Variants in QSER1 observed in about 807,000 individuals in gnomAD.
QSER1 encodes the protein glutamine and serine-rich protein 1.
Under a neutral mutation model 158.5 loss-of-function variants are expected in QSER1, and 49 were observed. The observed-to-expected ratio is 0.31, with a 90% confidence interval of 0.25 to 0.39. QSER1 has a LOEUF of 0.39. Ranked by LOEUF, QSER1 falls within the 10% of genes least tolerant of loss-of-function variation. The probability of loss-of-function intolerance (pLI) is 1.00; values close to 1 mark genes in which losing one functional copy is unlikely to be tolerated. For missense variants in QSER1, 1,754 were observed against 2,010.3 expected (o/e 0.87, Z 2.44); for synonymous variants, 650 against 715.5 (o/e 0.91, Z 1.46).
intron 4 of QSER1, among the ~76,000 whole-genome samples, chr11:32,948,008 A>C (rs974072355): frequency 8.5e-5 from 13 of 152,274 alleles, no homozygotes; most frequent in Non-Finnish European, 1.5e-4. Context: ...TGCATAAAGA[A>C]AAATACAAAA....
chr11:32,916,190 C>T (rs950521874), intron 1 of QSER1, among the ~76,000 whole-genome samples: 15 of 152,140 alleles, frequency 9.9e-5, no homozygotes, highest in Admixed American at 3.9e-4. Flanking sequence ...CATGAGCCAC[C>T]GCGCTCGGCT....
Position 32,898,648 on chromosome 11 carries a change from A to G in QSER1, c.209+5314A>G, listed in dbSNP as rs1268044073. Among the ~76,000 whole-genome samples, 5 of 152,126 alleles carry G rather than the reference A, an allele frequency of 3.3e-5. No individual in the cohort carries two copies. The East Asian group carries it at 5.8e-4, about 18-fold the overall frequency. On this transcript the variant is annotated intron_variant, in intron 1 of 12. Coordinates refer to ENST00000650167, the MANE Select transcript of QSER1 (RefSeq NM_001076786.3). ...GCTGCCTAGGGTGGAGTACAGTGGTATGAACACAGCTTACTGCAGCCTCGA... is the reference window on the plus strand; with the variant it reads ...GCTGCCTAGGGTGGAGTACAGTGGTGTGAACACAGCTTACTGCAGCCTCGA...
chr11:32,950,672 G>A (rs1405341098), intron 4 of QSER1, among the ~76,000 whole-genome samples: 7 of 152,168 alleles, frequency 4.6e-5, no homozygotes, highest in Non-Finnish European at 1.0e-4. Context: ...CCATTAAGGA[G>A]TCCATTCCCA....
intron 1 of QSER1, among the ~76,000 whole-genome samples, chr11:32,900,815 C>T (rs1392759607): frequency 6.6e-6 from 1 of 152,308 alleles, no homozygotes; most frequent in Non-Finnish European, 1.5e-5. Flanking sequence ...GGTCTTTCCC[C>T]ACATGTTACC....
chr11:32,955,763 T>G (rs1319761027), intron 6 of QSER1, among the ~76,000 whole-genome samples: 1 of 152,208 alleles, frequency 6.6e-6, no homozygotes, highest in Non-Finnish European at 1.5e-5. Flanking sequence ...GAAGTTATTC[T>G]GTCATACTTA....
chr11:32,955,405 C>T lies in QSER1; in HGVS notation c.4610C>T (p.Thr1537Ile), dbSNP rs758871872. Reference sequence around the variant, plus strand: ...GATGGTCAAAGAGAATTTGCTGCTACAAATAGTGTAAGTAAAATGCATGTT... The same window carrying T: ...GATGGTCAAAGAGAATTTGCTGCTATAAATAGTGTAAGTAAAATGCATGTT... ...IRDGQREFAA[T>I]NSYLGYFGDA... Residue 1537 changes from threonine (T) to isoleucine (I), a missense_variant, in exon 6 of 13, where the codon ACA becomes ATA. By Grantham distance (89) the Thr-to-Ile change is moderately conservative (BLOSUM62 -1). Transcript: ENST00000650167. The T allele has an allele frequency of 1.3e-6, 2 of 1,529,664 alleles. No individual in the cohort carries two copies. The highest frequency in any genetic ancestry group is 1.8e-6 in the Non-Finnish European group (2 of 1,119,160). 94.8% of individuals were successfully genotyped at this position (1,529,664 alleles called of 1,614,324 possible). A position where few individuals can be genotyped will look rare whatever the true frequency, so the allele number is the denominator to read the frequency against.
At chr11:32,960,409 A>G (rs1271793306) in intron 8 of QSER1, among the ~76,000 whole-genome samples, 1 of 151,990 alleles carries the variant, frequency 6.6e-6, no homozygotes, top group East Asian at 1.9e-4. Flanking sequence ...ATACAAAAAA[A>G]TTAGCCAGGT....
intron 8 of QSER1, 28 bp from the exon 9 acceptor site, chr11:32,966,272 T>C (rs1408628876): frequency 6.3e-7 from 1 of 1,597,454 alleles, no homozygotes; most frequent in East Asian, 2.2e-5. Flanking sequence ...GAAGGAAAAT[T>C]TAATATTTAA....
Position 32,957,897 on chromosome 11 carries a change from A to G in QSER1, c.4780A>G (p.Ser1594Gly), listed in dbSNP as rs753925153. The change falls in exon 8 of 13, where the codon AGT becomes GGT. Residue 1594 changes from serine (S) to glycine (G), a missense_variant. Physicochemically the swap from Ser to Gly is moderately conservative, Grantham distance 56. This residue lies in a region of QSER1 where 1,707 missense variants were observed against 1,919.6 expected (regional missense o/e 0.89). Transcript: ENST00000650167. ...TGTTCAAGCTAAGCCAAGTAGTAGC[A>G]GTAAAACTTCTGATCCTCTAGCATC... The part of the protein sequence containing the change: ...RTVQAKPSSS[S>G]KTSDPLASKT... The G allele has an allele frequency of 1.2e-6, 2 of 1,614,156 alleles. No individual in the cohort carries two copies. The highest frequency in any genetic ancestry group is 1.7e-6 in the Non-Finnish European group (2 of 1,180,014).
chr11:32,935,128 C>T lies in QSER1; in HGVS notation c.3870C>T (p.Pro1290=). 4 of 1,614,064 alleles carry T rather than the reference C, an allele frequency of 2.5e-6. No individual in the cohort carries two copies. The highest frequency in any genetic ancestry group is 3.4e-6 in the Non-Finnish European group (4 of 1,179,990). The part of the protein sequence containing the change: ...ASFLDFLKSG[P]KQQFSTLAVR... Reference sequence around the variant, plus strand: ...TCTTAGATTTTCTGAAATCCGGGCCCAAGCAGCAGTTTTCCACTCTTGCTG... The same window carrying T: ...TCTTAGATTTTCTGAAATCCGGGCCTAAGCAGCAGTTTTCCACTCTTGCTG... The change falls in exon 4 of 13, where the codon CCC becomes CCT. Residue 1290 remains proline (P), a synonymous_variant. Transcript: ENST00000650167.
Position 32,950,931 on chromosome 11 carries a change from A to G in QSER1, c.4178-2926A>G, listed in dbSNP as rs1322685772. ...TTATCCATTGATAGAGTTTTTGGCT[A>G]TCATGAATAAATCTGTAAACATTCA... On this transcript the variant is annotated intron_variant, in intron 4 of 12. Coordinates refer to ENST00000650167, the MANE Select transcript of QSER1 (RefSeq NM_001076786.3). Among the ~76,000 whole-genome samples the G allele has an allele frequency of 2.4e-4, 37 of 152,228 alleles. 1 individual carries two copies. The highest frequency in any genetic ancestry group is 2.4e-3 in the Admixed American group (37 of 15,286).
chr11:32,925,491 C>CCTTT (rs1554926195), intron 1 of QSER1, among the ~76,000 whole-genome samples: 27 of 136,394 alleles, frequency 2.0e-4, no homozygotes, highest in Non-Finnish European at 3.1e-4. Context: ...TGATACATCG[C>CCTTT]TTTTTTATTT....
chr11:32,974,625 A>T (rs954889196), intron 11 of QSER1, among the ~76,000 whole-genome samples: 6 of 152,232 alleles, frequency 3.9e-5, no homozygotes, highest in South Asian at 2.1e-4. Flanking sequence ...TTTCAGAAAA[A>T]TTTTTTTGAG....
rs1043358132 is a variant in QSER1, at chr11:32,976,189, G to A, written c.5455-145G>A. 5.3e-5 allele frequency: 32 copies of A among 609,034 alleles called. No homozygotes were observed. In the African/African-American group the frequency reaches 5.7e-4, roughly 11 times the overall value. 37.7% of individuals were successfully genotyped at this position (609,034 alleles called of 1,614,324 possible). A position where few individuals can be genotyped will look rare whatever the true frequency, so the allele number is the denominator to read the frequency against. ...TTTCTGCCACCTTGGAGCCAAAGAT[G>A]AGAGGATGAGATCTCACCCAAATTT... On this transcript the variant is annotated intron_variant, in intron 12 of 12. Transcript: ENST00000650167.
At chr11:32,910,959 A>T (rs779438313) in intron 1 of QSER1, among the ~76,000 whole-genome samples, 19 of 152,202 alleles carry the variant, frequency 1.2e-4, no homozygotes, top group Non-Finnish European at 2.5e-4. Flanking sequence ...AGATAGTACA[A>T]TGTAATAATT....
At position 32,977,250 on chromosome 11, in the gene QSER1, C is replaced by A. The variant is rs796582557; in HGVS notation, c.*776C>A. ...AAGGAAAATGTTGTGGTTATAATTA[C>A]GTTTGATATATCTCTACAACACCTT... On this transcript the variant is annotated 3_prime_UTR_variant, in exon 13 of 13. Coordinates refer to ENST00000650167, the MANE Select transcript of QSER1 (RefSeq NM_001076786.3). 3.9e-5 allele frequency: 6 copies of A among 152,594 alleles called. No individual in the cohort carries two copies. The highest frequency in any genetic ancestry group is 1.4e-4 in the African/African-American group (6 of 41,542). The allele number at this position is 152,594 out of a possible 1,614,324, so 9.5% of individuals were successfully genotyped here.
chr11:32,928,100 T>G lies in QSER1; in HGVS notation c.461T>G (p.Phe154Cys), dbSNP rs756209033. 16 of 1,612,556 alleles carry G rather than the reference T, an allele frequency of 9.9e-6. No individual in the cohort carries two copies. The Admixed American group carries it at 2.7e-4, about 27-fold the overall frequency. The change falls in exon 3 of 13, where the codon TTC becomes TGC. Residue 154 changes from phenylalanine to cysteine, a missense_variant. Physicochemically the swap from Phe to Cys is radical, Grantham distance 205. Around this residue, in one of 2 missense-constraint regions of QSER1, gnomAD observed 1,707 missense variants for 1,919.6 expected, o/e 0.89. Transcript: ENST00000650167. The part of the protein sequence containing the change: ...AASGTTLLPQ[F>C]RAPSWQTGMH... The stretch of plus-strand genomic sequence containing the variant: ...TCAGGAACTACTCTCTTACCACAAT[T>G]CAGGGCTCCATCCTGGCAGACAGGT...
chr11:32,910,426 C>G (rs1851751987), intron 1 of QSER1, among the ~76,000 whole-genome samples: 2 of 152,110 alleles, frequency 1.3e-5, no homozygotes, highest in South Asian at 4.1e-4. Context: ...TACATAATAT[C>G]TAATATTTGT....
At chr11:32,974,856 T>G (rs1158592763) in intron 11 of QSER1, among the ~76,000 whole-genome samples, 1 of 152,188 alleles carries the variant, frequency 6.6e-6, no homozygotes, top group African/African-American at 2.4e-5. Flanking sequence ...CCCTTCTCAT[T>G]ACAAAATTAG....
Sources: allele counts gnomAD v4.1 joint callset (sites outside exome capture counted in the v4.1 genomes callset), GRCh38; gene constraint gnomAD v4.1.1; regional missense constraint gnomAD v4.1.1; transcripts MANE v1.5; gene names NCBI Gene and HGNC (gene_info 2026-07-23, HGNC 2026-07-21).